PBX1: variants seen among roughly 807,000 people sequenced by gnomAD.
The protein encoded by PBX1 is PBX homeobox 1, also known as pre-B-cell leukemia transcription factor 1.
Under a neutral mutation model 53.4 loss-of-function variants are expected in PBX1, and 6 were observed. The observed-to-expected ratio is 0.11, with a 90% CI of 0.06 to 0.22. PBX1 has a LOEUF of 0.22. Ranked by LOEUF, PBX1 falls within the 10% of genes least tolerant of loss-of-function variation. The pLI is 1.00. For synonymous variants in PBX1, 204 were observed against 212.3 expected, an observed-to-expected ratio of 0.96 and a Z score of 0.34; for missense variants, 251 against 551.4, an observed-to-expected ratio of 0.46 and a Z score of 5.46.
rs370789005 is a variant in PBX1 at position 164,846,696 on chromosome 1, C to G, written c.*20C>G. The G allele has an allele frequency of 2.0e-5, 33 of 1,613,932 alleles. No homozygotes were observed. In the African/African-American group the frequency reaches 4.1e-4, roughly 20 times the overall value. ...AACTGATCTCCCAGCAATCGCATCC[C>G]GGCTGACCCTGTGCCCCAGTTGGGG... On this transcript the variant is annotated 3_prime_UTR_variant, in exon 9 of 9. Transcript: ENST00000420696.
intron 2 of PBX1, chr1:164,674,880 T>C (rs1661347244): frequency 9.9e-6 from 1 of 101,470 alleles, no homozygotes; most frequent in Non-Finnish European, 1.8e-5. Flanking sequence ...ACCAAGAGGA[T>C]CTTTAAACTT....
At chr1:164,728,258 A>C (rs1339249810) in intron 2 of PBX1, among the ~76,000 whole-genome samples, 1 of 151,938 alleles carries the variant, frequency 6.6e-6, no homozygotes, top group East Asian at 1.9e-4. Flanking sequence ...CCGAGGCTGC[A>C]ATGAGCCATG....
At chr1:164,669,889 T>G (rs1661022290) in intron 2 of PBX1, among the ~76,000 whole-genome samples, 1 of 152,204 alleles carries the variant, frequency 6.6e-6, no homozygotes, top group Non-Finnish European at 1.5e-5. Context: ...TGCTCTGATG[T>G]TGGGTGCATA....
chr1:164,603,961 T>TTTTTTTTG (rs1553214847), intron 2 of PBX1, among the ~76,000 whole-genome samples: 2 of 131,982 alleles, frequency 1.5e-5, no homozygotes, highest in Non-Finnish European at 1.6e-5. Flanking sequence ...TTTTTTTTTT[T>TTTTTTTTG]TAGAGATGAG....
At chr1:164,669,984 A>T (rs534491048) in intron 2 of PBX1, among the ~76,000 whole-genome samples, 1 of 152,030 alleles carries the variant, frequency 6.6e-6, no homozygotes, top group Non-Finnish European at 1.5e-5. Flanking sequence ...CACCCTTCCA[A>T]TTCCAAAGCT....
intron 2 of PBX1, among the ~76,000 whole-genome samples, chr1:164,776,978 A>AGATGGGAGGTGTGGGGG (rs1553244687): frequency 4.3e-5 from 2 of 46,440 alleles, no homozygotes; most frequent in African/African-American, 1.2e-4. Context: ...AGAGAGAGAG[A>AGATGGGAGGTGTGGGGG]GGAGGTGTGG....
intron 2 of PBX1, among the ~76,000 whole-genome samples, chr1:164,856,839 G>A (rs1368174688): frequency 1.3e-5 from 2 of 151,938 alleles, no homozygotes; most frequent in Non-Finnish European, 2.9e-5. Context: ...ATTTCCAATT[G>A]CTGCCATAAC....
At chr1:164,617,832 T>C (rs1657383164) in intron 2 of PBX1, among the ~76,000 whole-genome samples, 2 of 152,206 alleles carry the variant, frequency 1.3e-5, no homozygotes, top group Admixed American at 6.5e-5. Flanking sequence ...AACTTCTACA[T>C]GTGTGGATCT....
At position 164,776,362 on chromosome 1, in the gene PBX1, G is replaced by C. The variant is rs531549672; in HGVS notation, c.266-16132G>C. ...GCAGAACAGAAAAGCTGCTCTGGAA[G>C]GGGTACTGGGCGGCTGTGGCATGTG... On this transcript the variant is annotated intron_variant, in intron 2 of 8. Coordinates refer to ENST00000420696, the MANE Select transcript of PBX1 (RefSeq NM_002585.4). Among the ~76,000 whole-genome samples, 93 of 152,318 alleles carry C rather than the reference G, an allele frequency of 6.1e-4. 1 individual carries two copies. Among genetic ancestry groups the C allele is most frequent in the African/African-American group, 2.1e-3 (87 of 41,554 alleles).
chr1:164,752,592 T>C (rs1386580579), intron 2 of PBX1, among the ~76,000 whole-genome samples: 2 of 152,194 alleles, frequency 1.3e-5, no homozygotes, highest in Admixed American at 6.5e-5. Context: ...CCACAGTGTC[T>C]TTTGGTGTAT....
chr1:164,595,157 A>AT (rs1213695506), intron 2 of PBX1, among the ~76,000 whole-genome samples: 5 of 152,212 alleles, frequency 3.3e-5, no homozygotes, highest in Non-Finnish European at 7.3e-5. Flanking sequence ...GAGCTTTCTG[A>AT]TTCCTAAGAA....
At chr1:164,745,410 AC>A (rs1244393835) in intron 2 of PBX1, among the ~76,000 whole-genome samples, 1 of 152,126 alleles carries the variant, frequency 6.6e-6, no homozygotes, top group African/African-American at 2.4e-5. Context: ...CTACATTTCT[AC>A]CCTTATAAAA....
chr1:164,676,017 C>T (rs925777398), intron 2 of PBX1, among the ~76,000 whole-genome samples: 4 of 152,116 alleles, frequency 2.6e-5, no homozygotes, highest in Non-Finnish European at 4.4e-5. Flanking sequence ...GGTATGAACG[C>T]GTGCAGTTTG....
intron 2 of PBX1, among the ~76,000 whole-genome samples, chr1:164,879,954 C>T (rs1672606729): frequency 6.6e-6 from 1 of 152,108 alleles, no homozygotes; most frequent in Non-Finnish European, 1.5e-5. Flanking sequence ...AGTACCTGGG[C>T]TGGGGAATGA....
At chr1:164,811,470 A>G (rs975341557) in intron 5 of PBX1, among the ~76,000 whole-genome samples, 2 of 152,198 alleles carry the variant, frequency 1.3e-5, no homozygotes, top group African/African-American at 2.4e-5. Flanking sequence ...TATTGATCCT[A>G]AGGTCTATAG....
At chr1:164,650,532 GCTA>G (rs1659739906) in intron 2 of PBX1, among the ~76,000 whole-genome samples, 1 of 152,092 alleles carries the variant, frequency 6.6e-6, no homozygotes, top group Non-Finnish European at 1.5e-5. Flanking sequence ...AACTATCGTT[GCTA>G]CTTTCTATTG....
intron 8 of PBX1, among the ~76,000 whole-genome samples, chr1:164,836,768 G>A (rs1280801460): frequency 6.6e-6 from 1 of 152,140 alleles, no homozygotes; most frequent in Non-Finnish European, 1.5e-5. Flanking sequence ...CAAACTCTCT[G>A]GTGACATAGC....
At chr1:164,829,319 T>C (rs912188897) in intron 8 of PBX1, 2 of 152,338 alleles carry the variant, frequency 1.3e-5, no homozygotes, top group South Asian at 2.1e-4. Flanking sequence ...ATAAGCATGA[T>C]TGACATTTGT....
intron 2 of PBX1, among the ~76,000 whole-genome samples, chr1:164,875,979 GGTGTATGTGTATATATATATATA>G (rs1672495544): frequency 3.9e-5 from 1 of 25,498 alleles, no homozygotes; most frequent in African/African-American, 5.7e-5. Context: ...ATATATATTT[GGTGTATGTGTATATATATATATA>G]TATACACACA....
Sources: allele counts gnomAD v4.1 joint callset (sites outside exome capture counted in the v4.1 genomes callset), GRCh38; gene constraint gnomAD v4.1.1; transcripts MANE v1.5; gene names NCBI Gene and HGNC (gene_info 2026-07-23, HGNC 2026-07-21).